The following GABBR2 variants were observed in gnomAD, a reference collection of about 807,000 sequenced individuals.
The protein encoded by GABBR2 is gamma-aminobutyric acid type B receptor subunit 2, also known as G-protein coupled receptor 51.
Under a neutral mutation model 105.6 loss-of-function variants are expected in GABBR2, and 23 were observed. The observed-to-expected ratio is 0.22, with a 90% CI of 0.16 to 0.31. GABBR2 has a LOEUF of 0.31. GABBR2 is among the 10% of genes least tolerant of loss of function. GABBR2 has a pLI of 1.00. For synonymous variants in GABBR2, 478 were observed against 499.7 expected, an observed-to-expected ratio of 0.96 and a Z score of 0.58; for missense variants, 734 against 1,245.5, an observed-to-expected ratio of 0.59 and a Z score of 6.18.
At chr9:98,515,294 C>T (rs1360159296) in intron 3 of GABBR2, among the ~76,000 whole-genome samples, 4 of 152,174 alleles carry the variant, frequency 2.6e-5, no homozygotes, top group Non-Finnish European at 5.9e-5. Flanking sequence ...GGTACCTGTT[C>T]TCACCCCTGC....
At chr9:98,436,645 A>G (rs1278061048) in intron 7 of GABBR2, among the ~76,000 whole-genome samples, 1 of 151,302 alleles carries the variant, frequency 6.6e-6, no homozygotes, top group Non-Finnish European at 1.5e-5. Context: ...TGCTCCTCCT[A>G]TTACACCAAG....
chr9:98,476,149 CAT>C (rs745954116), intron 5 of GABBR2, among the ~76,000 whole-genome samples: 6 of 152,186 alleles, frequency 3.9e-5, no homozygotes, highest in Non-Finnish European at 5.9e-5. Context: ...TTTCTTCACA[CAT>C]GTGATAATTA....
chr9:98,525,080 A>G (rs923061607), intron 3 of GABBR2, among the ~76,000 whole-genome samples: 4 of 152,228 alleles, frequency 2.6e-5, no homozygotes, highest in African/African-American at 9.6e-5. Flanking sequence ...CATGGGCTGA[A>G]GTGTTCATGA....
intron 1 of GABBR2, among the ~76,000 whole-genome samples, chr9:98,693,527 C>T (rs368168259): frequency 1.3e-4 from 20 of 152,332 alleles, no homozygotes; most frequent in African/African-American, 4.8e-4. Context: ...GTTTCAACCC[C>T]AGAGGCTGGG....
chr9:98,452,847 T>C (rs1826255854), intron 7 of GABBR2, among the ~76,000 whole-genome samples: 3 of 152,232 alleles, frequency 2.0e-5, no homozygotes, highest in African/African-American at 7.2e-5. Flanking sequence ...TCTTTAAAAC[T>C]AGCTTACAAG....
At chr9:98,437,075 CAT>C (rs1216079828) in intron 7 of GABBR2, among the ~76,000 whole-genome samples, 2 of 152,108 alleles carry the variant, frequency 1.3e-5, no homozygotes, top group Non-Finnish European at 2.9e-5. Flanking sequence ...TCAGATAAAA[CAT>C]GTATTTCCGT....
intron 7 of GABBR2, among the ~76,000 whole-genome samples, chr9:98,441,455 C>T (rs762966683): frequency 6.6e-6 from 1 of 152,194 alleles, no homozygotes; most frequent in Non-Finnish European, 1.5e-5. Context: ...GCAACCTCCA[C>T]CTCCTGGGTT....
intron 3 of GABBR2, among the ~76,000 whole-genome samples, chr9:98,511,208 G>A (rs1027564491): frequency 6.0e-5 from 9 of 150,960 alleles, no homozygotes; most frequent in African/African-American, 1.5e-4. Context: ...TGAAACCAAC[G>A]AGAACAAAGA....
Position 98,388,960 on chromosome 9 carries a change from G to A in GABBR2, c.1423C>T (p.Arg475Trp), listed in dbSNP as rs375938732. 2.6e-5 allele frequency: 42 copies of A among 1,613,472 alleles called. No homozygotes were observed. Among genetic ancestry groups the A allele is most frequent in the East Asian group, 6.7e-5 (3 of 44,874 alleles). Residue 475 changes from arginine to tryptophan, a missense_variant, in exon 10 of 19, where the codon CGG becomes TGG. By Grantham distance (101) the Arg-to-Trp change is moderately radical. Around this residue, in one of 7 missense-constraint regions of GABBR2, gnomAD observed 370 missense variants for 648.9 expected, o/e 0.57. Coordinates refer to ENST00000259455, the MANE Select transcript of GABBR2 (RefSeq NM_005458.8). The surrounding 1 kb of genome is among the most constrained non-coding windows in gnomAD (Gnocchi z 4.4). ...KDKTIILEQLRKISLPLYSIL... is the reference protein window; with the variant it reads ...KDKTIILEQLWKISLPLYSIL... The stretch of plus-strand genomic sequence containing the variant: ...CTGTAGAGAGGTAGGGAGATCTTCC[G>A]CAGCTGCTCCAGGATGATGGTCTTG...
intron 14 of GABBR2, among the ~76,000 whole-genome samples, chr9:98,307,326 G>T (rs1012152185): frequency 6.6e-6 from 1 of 152,156 alleles, no homozygotes; most frequent in Non-Finnish European, 1.5e-5. Flanking sequence ...TCTAAGGGGA[G>T]GGCGGGCTGC....
At chr9:98,320,163 C>A (rs1236614565) in intron 13 of GABBR2, among the ~76,000 whole-genome samples, 1 of 151,722 alleles carries the variant, frequency 6.6e-6, no homozygotes, top group African/African-American at 2.4e-5. Context: ...AAAAAGTGGG[C>A]GAAGGACATG....
intron 3 of GABBR2, among the ~76,000 whole-genome samples, chr9:98,498,873 A>G (rs1307605930): frequency 6.6e-6 from 1 of 152,260 alleles, no homozygotes; most frequent in Admixed American, 6.5e-5. Flanking sequence ...GTGTTGTGGA[A>G]CAACAGTCAT....
At chr9:98,563,798 A>C (rs1828712831) in intron 2 of GABBR2, among the ~76,000 whole-genome samples, 1 of 152,222 alleles carries the variant, frequency 6.6e-6, no homozygotes, top group South Asian at 2.1e-4. Flanking sequence ...TCTCTTCATC[A>C]TGGAAATAAT....
chr9:98,597,299 AACAACATGCCAGGG>A (rs923393306), intron 1 of GABBR2, among the ~76,000 whole-genome samples: 19 of 152,312 alleles, frequency 1.2e-4, no homozygotes, highest in African/African-American at 2.9e-4. Context: ...TGTGATCACA[AACAACATGCCAGGG>A]ACAACATGCC....
At chr9:98,590,568 T>A (rs1829132742) in intron 1 of GABBR2, among the ~76,000 whole-genome samples, 1 of 152,236 alleles carries the variant, frequency 6.6e-6, no homozygotes, top group African/African-American at 2.4e-5. Flanking sequence ...AAACACAAAG[T>A]GTACTCGGGC....
chr9:98,578,454 AAAC>A (rs1828951330), intron 1 of GABBR2, among the ~76,000 whole-genome samples: 1 of 152,068 alleles, frequency 6.6e-6, no homozygotes, highest in African/African-American at 2.4e-5. Flanking sequence ...AACACACAGA[AAAC>A]AACAAGTATT....
intron 17 of GABBR2, among the ~76,000 whole-genome samples, chr9:98,294,414 G>T (rs138559944): frequency 6.6e-6 from 1 of 151,994 alleles, no homozygotes; most frequent in Non-Finnish European, 1.5e-5. Context: ...TTTTTTACCC[G>T]GAATTTCCAC....
chr9:98,301,728 G>GC, intron 16 of GABBR2, among the ~76,000 whole-genome samples: 1 of 152,308 alleles, frequency 6.6e-6, no homozygotes, highest in East Asian at 1.9e-4. Context: ...CTTCATTGCT[G>GC]AAGTGTGCAA....
At chr9:98,451,617 C>T (rs7035430) in intron 7 of GABBR2, among the ~76,000 whole-genome samples, 4 of 152,168 alleles carry the variant, frequency 2.6e-5, no homozygotes, top group South Asian at 2.1e-4. Context: ...GGCCCCACCC[C>T]GAGAGGTTCT....
Sources: gnomAD v4.1 joint callset for allele counts (sites outside exome capture counted in the v4.1 genomes callset) on GRCh38, gnomAD v4.1.1 for gene constraint, gnomAD v4.1.1 regional missense constraint, Gnocchi (gnomAD v3.1) non-coding constraint, MANE v1.5 for transcripts, NCBI Gene and HGNC (gene_info 2026-07-23, HGNC 2026-07-21) for gene names.